The following MAP3K13 variants were observed in gnomAD, a reference collection of about 807,000 sequenced individuals.
The protein encoded by MAP3K13 is mitogen-activated protein kinase kinase kinase 13.
Under a neutral mutation model 104.0 loss-of-function variants are expected in MAP3K13, and 52 were observed. That is an observed-to-expected ratio of 0.50 (90% CI 0.40 to 0.63). MAP3K13 has a LOEUF of 0.63. MAP3K13 is among the 20% of genes least tolerant of loss of function. The pLI is 0.00. For missense variants in MAP3K13, 914 were observed against 1,218.5 expected, an observed-to-expected ratio of 0.75 and a Z score of 3.72; for synonymous variants, 394 against 442.2, an observed-to-expected ratio of 0.89 and a Z score of 1.37.
intron 2 of MAP3K13, among the ~76,000 whole-genome samples, chr3:185,433,515 A>T (rs1221302686): frequency 6.6e-6 from 1 of 152,126 alleles, no homozygotes; most frequent in Non-Finnish European, 1.5e-5. Flanking sequence ...CCCATTTCTG[A>T]GCTCTCTGCT....
chr3:185,470,971 G>A (rs1434519020), intron 10 of MAP3K13, among the ~76,000 whole-genome samples: 1 of 152,050 alleles, frequency 6.6e-6, no homozygotes, highest in East Asian at 1.9e-4. Context: ...ATTATTAACT[G>A]AAGAAAAAAT....
At chr3:185,400,220 A>C (rs1212278942) in intron 1 of MAP3K13, among the ~76,000 whole-genome samples, 1 of 151,946 alleles carries the variant, frequency 6.6e-6, no homozygotes, top group East Asian at 1.9e-4. Flanking sequence ...GTCTCCCCAA[A>C]CAACCACGTG....
At chr3:185,453,984 T>G (rs1367272898) in intron 7 of MAP3K13, among the ~76,000 whole-genome samples, 3 of 34,350 alleles carry the variant, frequency 8.7e-5, no homozygotes, top group African/African-American at 1.5e-4. Flanking sequence ...ATATATGAGA[T>G]ATATATATGA....
rs181649747 is a variant in MAP3K13 at position 185,417,843 on chromosome 3, T to C, written c.-85-10654T>C. On this transcript the variant is annotated intron_variant, in intron 1 of 13. Transcript: ENST00000265026. ...TTTTCAGTGGGTTCTTCTTTAGGAC[T>C]CTGCGATGAATCTTCTTGCGTGGTG... is the stretch of plus-strand genomic sequence containing the variant. 4 of 1,608,226 alleles carry C rather than the reference T, an allele frequency of 2.5e-6. No homozygotes were observed. The Admixed American group carries it at 6.7e-5, about 27-fold the overall frequency.
Position 185,315,208 on chromosome 3 carries a change from C to T in MAP3K13, c.-86+29565C>T, listed in dbSNP as rs1480897110. Among the ~76,000 whole-genome samples, 1 of 152,072 alleles carries T rather than the reference C, an allele frequency of 6.6e-6. No homozygotes were observed. The highest frequency in any genetic ancestry group is 1.5e-5 in the Non-Finnish European group (1 of 68,012). On this transcript the variant is annotated intron_variant, in intron 2 of 14. Coordinates refer to the MAP3K13 transcript ENST00000424227. This position sits in a 1 kb window ranked among gnomAD's most constrained non-coding sequence, Gnocchi z 4.3. The stretch of plus-strand genomic sequence containing the variant: ...GAGGTTGCAGTGAGCTGAGATCGCA[C>T]CACTGCACTCCAGCCTGGGTGACAG...
rs573924608 is a variant in MAP3K13, at chr3:185,428,633, T to G, written c.52T>G (p.Phe18Val). The change falls in exon 2 of 14, where the codon TTC (phenylalanine) becomes GTC (valine). Residue 18 changes from phenylalanine to valine, a missense_variant. Transcript: ENST00000265026. ...LSCSSSPHLP[F>V]SESKTFNGLQ... ...CTGCTCCTCTTCTCCACACTTACCCTTCAGTGAAAGCAAAACCTTCAATGG... is the reference window on the plus strand; with the variant it reads ...CTGCTCCTCTTCTCCACACTTACCCGTCAGTGAAAGCAAAACCTTCAATGG... 9.9e-6 allele frequency: 16 copies of G among 1,613,222 alleles called. No homozygotes were observed. The African/African-American group carries it at 2.0e-4, about 20-fold the overall frequency.
intron 2 of MAP3K13, among the ~76,000 whole-genome samples, chr3:185,312,266 T>C (rs1721520503): frequency 6.6e-6 from 1 of 152,238 alleles, no homozygotes; most frequent in African/African-American, 2.4e-5. Flanking sequence ...CCTCCAGAAT[T>C]ACTGCTGCTT....
intron 1 of MAP3K13, among the ~76,000 whole-genome samples, chr3:185,413,634 C>G (rs1406454321): frequency 6.6e-6 from 1 of 152,064 alleles, no homozygotes; most frequent in Admixed American, 6.6e-5. Context: ...CCAGCCTGGC[C>G]AACATGGTGA....
intron 1 of MAP3K13, among the ~76,000 whole-genome samples, chr3:185,283,916 T>G (rs1720405914): frequency 6.7e-6 from 1 of 149,316 alleles, no homozygotes; most frequent in Non-Finnish European, 1.5e-5. Context: ...TTTTTTTTTT[T>G]TCTGAGACGG....
At chr3:185,286,692 A>G (rs1388354301) in intron 2 of MAP3K13, among the ~76,000 whole-genome samples, 5 of 152,144 alleles carry the variant, frequency 3.3e-5, no homozygotes, top group African/African-American at 7.2e-5. Flanking sequence ...GTATGTTTTC[A>G]TTTGTGTTTA....
chr3:185,381,191 G>C (rs1724703318), intron 1 of MAP3K13, among the ~76,000 whole-genome samples: 1 of 152,042 alleles, frequency 6.6e-6, no homozygotes, highest in African/African-American at 2.4e-5. Context: ...TCGAACTCCT[G>C]ACTCAAGTGA....
At chr3:185,385,493 A>C (rs1254087058) in intron 1 of MAP3K13, among the ~76,000 whole-genome samples, 1 of 152,100 alleles carries the variant, frequency 6.6e-6, no homozygotes, top group Non-Finnish European at 1.5e-5. Context: ...AATCTTATAA[A>C]GAAGAACTAA....
chr3:185,389,066 G>A (rs1333620445), intron 1 of MAP3K13, among the ~76,000 whole-genome samples: 2 of 152,070 alleles, frequency 1.3e-5, no homozygotes, highest in East Asian at 1.9e-4. Context: ...TATGTTCTCT[G>A]CGTTAAACAA....
At chr3:185,419,039 CAG>C (rs1713974108) in intron 1 of MAP3K13, among the ~76,000 whole-genome samples, 1 of 147,408 alleles carries the variant, frequency 6.8e-6, no homozygotes, top group South Asian at 2.1e-4. Context: ...TTTTTTGAGA[CAG>C]AGTCTCACTC....
chr3:185,339,527 G>T (rs945560970), intron 2 of MAP3K13, among the ~76,000 whole-genome samples: 2 of 152,198 alleles, frequency 1.3e-5, no homozygotes, highest in Non-Finnish European at 2.9e-5. Context: ...TTGTTTTTCT[G>T]TGACTGTGAT....
chr3:185,391,827 A>G (rs1279718126), intron 1 of MAP3K13, among the ~76,000 whole-genome samples: 1 of 152,218 alleles, frequency 6.6e-6, no homozygotes, highest in Non-Finnish European at 1.5e-5. Flanking sequence ...AACTGTTCAC[A>G]ATTAAAAAGC....
intron 7 of MAP3K13, among the ~76,000 whole-genome samples, chr3:185,454,909 T>TATATATATG: frequency 1.1e-5 from 1 of 95,170 alleles, no homozygotes; most frequent in South Asian, 3.3e-4. Flanking sequence ...ATATATATGA[T>TATATATATG]ATATATATGA....
intron 2 of MAP3K13, among the ~76,000 whole-genome samples, chr3:185,305,707 T>A (rs1721269035): frequency 6.6e-6 from 1 of 152,228 alleles, no homozygotes; most frequent in South Asian, 2.1e-4. Flanking sequence ...CAGCTTTTGA[T>A]GATCTGGAAA....
At chr3:185,461,921 G>A (rs1388080077) in intron 7 of MAP3K13, among the ~76,000 whole-genome samples, 1 of 152,090 alleles carries the variant, frequency 6.6e-6, no homozygotes, top group African/African-American at 2.4e-5. Flanking sequence ...AGGCAAGGAT[G>A]TAGAGAAACT....
Sources: gnomAD v4.1 joint callset for allele counts (sites outside exome capture counted in the v4.1 genomes callset) on GRCh38, gnomAD v4.1.1 for gene constraint, Gnocchi (gnomAD v3.1) non-coding constraint, MANE v1.5 for transcripts, NCBI Gene and HGNC (gene_info 2026-07-23, HGNC 2026-07-21) for gene names.